XKR4: variants seen among roughly 807,000 people sequenced by gnomAD.
The protein encoded by XKR4 is XK related 4.
XKR4 carries 12 observed loss-of-function variants against 53.9 expected under a neutral mutation model. The observed-to-expected ratio is 0.22, with a 90% CI of 0.14 to 0.36. XKR4 has a LOEUF of 0.36. Among genes scored for constraint, XKR4 ranks in the 10% least tolerant of loss-of-function variants. The probability of loss-of-function intolerance (pLI) is 1.00; values close to 1 mark genes in which losing one functional copy is unlikely to be tolerated. For missense variants in XKR4, 799 were observed against 859.5 expected (o/e 0.93, Z 0.88); for synonymous variants, 354 against 362.4 (o/e 0.98, Z 0.26).
At chr8:55,344,349 A>G (rs1803603848) in intron 1 of XKR4, among the ~76,000 whole-genome samples, 1 of 152,164 alleles carries the variant, frequency 6.6e-6, no homozygotes, top group Non-Finnish European at 1.5e-5. Flanking sequence ...TTCCTTATTT[A>G]TCATAAAATC....
At chr8:55,447,853 CTTCT>C (rs1478165338) in intron 2 of XKR4, among the ~76,000 whole-genome samples, 2 of 152,200 alleles carry the variant, frequency 1.3e-5, no homozygotes, top group South Asian at 2.1e-4. Context: ...GAATTTGAGA[CTTCT>C]TTAAGTCAGT....
intron 2 of XKR4, among the ~76,000 whole-genome samples, chr8:55,481,324 G>C (rs1744789762): frequency 1.3e-5 from 2 of 152,022 alleles, no homozygotes; most frequent in South Asian, 4.1e-4. Flanking sequence ...AAATGGTGCT[G>C]GGAAAACTGG....
intron 1 of XKR4, among the ~76,000 whole-genome samples, chr8:55,169,370 C>T (rs1401538342): frequency 2.6e-5 from 4 of 152,200 alleles, no homozygotes; most frequent in African/African-American, 7.2e-5. Context: ...AATGCCCATC[C>T]GTGGTTTCAT....
Position 55,534,438 on chromosome 8 carries a change from A to G in XKR4, c.*10211A>G, listed in dbSNP as rs1345269236. The G allele has an allele frequency of 7.8e-6, 1 of 128,384 alleles. No individual in the cohort carries two copies. The highest frequency in any genetic ancestry group is 1.6e-5 in the Non-Finnish European group (1 of 63,872). The allele number at this position is 128,384 out of a possible 1,614,324, so 8.0% of individuals were successfully genotyped here. A position where few individuals can be genotyped will look rare whatever the true frequency, so the allele number is the denominator to read the frequency against. ...GCAGGGGCTGGAGTGCAGTGGCACA[A>G]TCTCGGCTCACTGCAAGCTCTGCCT... On this transcript the variant is annotated 3_prime_UTR_variant, in exon 3 of 3. Transcript: ENST00000327381.
At chr8:55,140,352 CTGTT>C (rs1287885637) in intron 1 of XKR4, 1 of 185,456 alleles carries the variant, frequency 5.4e-6, no homozygotes, top group African/African-American at 2.4e-5. Context: ...TGTTCACACA[CTGTT>C]TAAGACTTTT....
At chr8:55,340,704 TGA>T (rs2129382068) in intron 1 of XKR4, among the ~76,000 whole-genome samples, 1 of 152,260 alleles carries the variant, frequency 6.6e-6, no homozygotes, top group African/African-American at 2.4e-5. Flanking sequence ...TCATTCCGAG[TGA>T]GTTCAGTAGA....
chr8:55,294,254 T>G (rs1269306858), intron 1 of XKR4, among the ~76,000 whole-genome samples: 1 of 152,234 alleles, frequency 6.6e-6, no homozygotes, highest in Non-Finnish European at 1.5e-5. Context: ...TAATTTAAAT[T>G]TTATCTTCTC....
rs1035706942 is a variant in XKR4 at position 55,123,476 on chromosome 8, C to G, written c.806+20182C>G. Among the ~76,000 whole-genome samples, 7 of 152,226 alleles carry G rather than the reference C, an allele frequency of 4.6e-5. No homozygotes were observed. The East Asian group carries it at 1.3e-3, about 29-fold the overall frequency. Reference sequence around the variant, plus strand: ...AGTGGATTTCTGCAGTCAGCACTCCCTTTGAGCCCAGAGCATAGGCTCAGG... The same window carrying G: ...AGTGGATTTCTGCAGTCAGCACTCCGTTTGAGCCCAGAGCATAGGCTCAGG... On this transcript the variant is annotated intron_variant, in intron 1 of 2. Transcript: ENST00000327381.
intron 1 of XKR4, among the ~76,000 whole-genome samples, chr8:55,273,141 AC>A (rs1818715587): frequency 1.1e-5 from 1 of 92,028 alleles, no homozygotes; most frequent in African/African-American, 4.3e-5. Context: ...AGAAAAGAGG[AC>A]TGTGTGTGTG....
chr8:55,442,874 T>A (rs1371083520), intron 2 of XKR4, among the ~76,000 whole-genome samples: 2 of 151,792 alleles, frequency 1.3e-5, no homozygotes, highest in Non-Finnish European at 2.9e-5. Context: ...TTGCAGGGGG[T>A]GATGAAAATG....
At chr8:55,273,828 A>C (rs1174815803) in intron 1 of XKR4, among the ~76,000 whole-genome samples, 1 of 152,214 alleles carries the variant, frequency 6.6e-6, no homozygotes, top group Non-Finnish European at 1.5e-5. Context: ...CCACACAGCC[A>C]GCTCTGCTTA....
At chr8:55,197,693 G>A (rs1223878577) in intron 1 of XKR4, among the ~76,000 whole-genome samples, 5 of 151,786 alleles carry the variant, frequency 3.3e-5, no homozygotes, top group East Asian at 1.9e-4. Flanking sequence ...ACAGGCACCC[G>A]CCACCACGCC....
intron 2 of XKR4, among the ~76,000 whole-genome samples, chr8:55,456,762 CAT>C (rs1333264145): frequency 2.0e-5 from 3 of 151,930 alleles, no homozygotes; most frequent in Admixed American, 1.3e-4. Context: ...TTTGAATAAA[CAT>C]AGCATCAAAG....
At chr8:55,205,948 C>T (rs1047035094) in intron 1 of XKR4, among the ~76,000 whole-genome samples, 2 of 152,110 alleles carry the variant, frequency 1.3e-5, no homozygotes, top group Non-Finnish European at 2.9e-5. Context: ...CTGGTGGGTT[C>T]GTGGTCTCGC....
intron 2 of XKR4, among the ~76,000 whole-genome samples, chr8:55,371,159 A>C (rs186798516): frequency 6.6e-6 from 1 of 151,578 alleles, no homozygotes; most frequent in Non-Finnish European, 1.5e-5. Context: ...GTGTAGAATC[A>C]GGAAAGTTTT....
intron 1 of XKR4, among the ~76,000 whole-genome samples, chr8:55,276,125 G>A (rs1339129134): frequency 6.6e-6 from 1 of 152,204 alleles, no homozygotes; most frequent in East Asian, 1.9e-4. Context: ...GTTATACACA[G>A]TGCATCCCTA....
chr8:55,148,029 A>T (rs889717286), intron 1 of XKR4, among the ~76,000 whole-genome samples: 1 of 152,150 alleles, frequency 6.6e-6, no homozygotes, highest in African/African-American at 2.4e-5. Flanking sequence ...CTAACCTGTA[A>T]AAAAAGGAGG....
At chr8:55,131,052 A>G (rs1816546991) in intron 1 of XKR4, among the ~76,000 whole-genome samples, 1 of 152,012 alleles carries the variant, frequency 6.6e-6, no homozygotes, top group South Asian at 2.1e-4. Flanking sequence ...CCAGCTACTC[A>G]GGAGGCTGAG....
intron 1 of XKR4, among the ~76,000 whole-genome samples, chr8:55,182,923 C>G (rs1817329607): frequency 6.6e-6 from 1 of 151,724 alleles, no homozygotes; most frequent in Non-Finnish European, 1.5e-5. Flanking sequence ...TCTCCCAATC[C>G]ATGAACATGG....
Sources: gnomAD v4.1 joint callset for allele counts (sites outside exome capture counted in the v4.1 genomes callset) on GRCh38, gnomAD v4.1.1 for gene constraint, MANE v1.5 for transcripts, NCBI Gene and HGNC (gene_info 2026-07-23, HGNC 2026-07-21) for gene names.